Variants in TRPM3 observed in about 807,000 individuals in gnomAD.
TRPM3 encodes the protein transient receptor potential cation channel subfamily M member 3.
Under a neutral mutation model 181.2 loss-of-function variants are expected in TRPM3, and 77 were observed. That is an observed-to-expected ratio of 0.42 (90% CI 0.35 to 0.51). TRPM3 has a LOEUF of 0.51. Ranked by LOEUF, TRPM3 falls within the 20% of genes least tolerant of loss-of-function variation. The pLI, the probability that TRPM3 is intolerant of heterozygous loss-of-function variation, is 0.01. For synonymous variants in TRPM3, 745 were observed against 796.4 expected (o/e 0.94, Z 1.09); for missense variants, 1,759 against 2,196.7 (o/e 0.80, Z 3.98).
At chr9:71,267,899 G>T (rs995651960) in intron 1 of TRPM3, among the ~76,000 whole-genome samples, 3 of 151,388 alleles carry the variant, frequency 2.0e-5, no homozygotes, top group African/African-American at 7.3e-5. Flanking sequence ...TAGTTCCTAG[G>T]GTGTACAAAA....
In TRPM3 at chr9:70,790,682, T is replaced by C. The variant is rs72729704; in HGVS notation, c.974-6403A>G. On this transcript the variant is annotated intron_variant, in intron 6 of 25. Coordinates refer to ENST00000677713, the MANE Select transcript of TRPM3 (RefSeq NM_001366145.2). The stretch of plus-strand genomic sequence containing the variant: ...TTCAGAATTCGATTCTTGATATCTT[T>C]AACTAATGCATCTCTTCTGTGGTCT... Among the ~76,000 whole-genome samples the C allele has an allele frequency of 3.2e-4, 48 of 152,326 alleles. No homozygotes were observed. The South Asian group carries it at 9.7e-3, about 31-fold the overall frequency.
intron 1 of TRPM3, among the ~76,000 whole-genome samples, chr9:71,044,826 C>T (rs2059241261): frequency 6.6e-6 from 1 of 151,492 alleles, no homozygotes; most frequent in East Asian, 2.0e-4. Flanking sequence ...CGCCAGCCAC[C>T]ACGCCCGGCT....
intron 1 of TRPM3, among the ~76,000 whole-genome samples, chr9:71,335,280 GAAACCCTGGGTAGGAGTTTGGC>G (rs1309795390): frequency 6.6e-6 from 1 of 152,072 alleles, no homozygotes; most frequent in Non-Finnish European, 1.5e-5. Context: ...ACCCTGCCCT[GAAACCCTGGGTAGGAGTTTGGC>G]AAATAAAGTT....
chr9:71,002,353 G>A (rs2097614588), intron 1 of TRPM3, among the ~76,000 whole-genome samples: 2 of 152,324 alleles, frequency 1.3e-5, no homozygotes, highest in Non-Finnish European at 2.9e-5. Context: ...ATTGGAGCCA[G>A]CGGTTTTAGC....
intron 1 of TRPM3, among the ~76,000 whole-genome samples, chr9:71,194,962 C>T (rs530254455): frequency 1.3e-5 from 2 of 152,026 alleles, no homozygotes; most frequent in South Asian, 2.1e-4. Flanking sequence ...ATGACATATA[C>T]ATCACAGATA....
At chr9:71,331,663 A>AGAG (rs144910157) in intron 1 of TRPM3, among the ~76,000 whole-genome samples, 2 of 122,538 alleles carry the variant, frequency 1.6e-5, no homozygotes, top group African/African-American at 3.0e-5. Flanking sequence ...AGGAGAGGGA[A>AGAG]GAGGAGGAGG....
In TRPM3 at chr9:71,145,652, G is replaced by T. The variant is rs76218584; in HGVS notation, c.184-281141C>A. ...ATTTTTCTTCTGTGCAATAAAAAAGGAAAGTATACTACTTACTGTTAGTAT... is the reference window on the plus strand; with the variant it reads ...ATTTTTCTTCTGTGCAATAAAAAAGTAAAGTATACTACTTACTGTTAGTAT... On this transcript the variant is annotated intron_variant, in intron 1 of 24. Transcript: ENST00000357533. Among the ~76,000 whole-genome samples, 708 of 152,110 alleles carry T rather than the reference G, an allele frequency of 4.7e-3. 6 individuals carry two copies. The highest frequency in any genetic ancestry group is 0.016 in the African/African-American group (682 of 41,512).
chr9:70,671,025 T>C (rs1725261944), intron 9 of TRPM3, among the ~76,000 whole-genome samples: 1 of 152,166 alleles, frequency 6.6e-6, no homozygotes, highest in Admixed American at 6.5e-5. Flanking sequence ...TCCGACTCTA[T>C]GCCAGGCACT....
intron 1 of TRPM3, among the ~76,000 whole-genome samples, chr9:71,260,097 A>G (rs950364584): frequency 2.6e-5 from 4 of 152,160 alleles, no homozygotes; most frequent in Admixed American, 2.6e-4. Flanking sequence ...TTTTCTGAAT[A>G]TGGCTAAGCA....
chr9:70,981,850 C>A (rs1003173834), intron 1 of TRPM3, among the ~76,000 whole-genome samples: 1 of 152,082 alleles, frequency 6.6e-6, no homozygotes, highest in Admixed American at 6.6e-5. Flanking sequence ...AACCTTAGAC[C>A]CTTAGGAAAT....
intron 1 of TRPM3, among the ~76,000 whole-genome samples, chr9:71,199,231 T>G: frequency 6.6e-6 from 1 of 151,252 alleles, no homozygotes; most frequent in Non-Finnish European, 1.5e-5. Context: ...GCCCACTTGA[T>G]CATGGTGGAT....
chr9:70,685,895 T>C (rs2066631978), intron 8 of TRPM3, among the ~76,000 whole-genome samples: 1 of 151,930 alleles, frequency 6.6e-6, no homozygotes, highest in Non-Finnish European at 1.5e-5. Flanking sequence ...ATATGCACTG[T>C]CATTTTCGTT....
intron 1 of TRPM3, among the ~76,000 whole-genome samples, chr9:71,238,158 G>T (rs11142748): frequency 6.6e-6 from 1 of 151,802 alleles, no homozygotes; most frequent in Non-Finnish European, 1.5e-5. Flanking sequence ...ATGAAAAAAC[G>T]CAGCATTATT....
chr9:70,864,525 C>CAA lies in TRPM3; in HGVS notation c.178-16_178-15dup, dbSNP rs71367234. The stretch of plus-strand genomic sequence containing the variant: ...GGATTTCTGAGCCTGAAAAAGAAAA[C>CAA]AAAAAAAAAAAAAAAAGAAAAAAGA... On this transcript the variant is annotated splice_polypyrimidine_tract_variant and intron_variant, in intron 1 of 25. Coordinates refer to ENST00000677713, the MANE Select transcript of TRPM3 (RefSeq NM_001366145.2). The CAA allele has an allele frequency of 0.085, 75,200 of 889,360 alleles. 1,387 individuals carry two copies. The highest frequency in any genetic ancestry group is 0.18 in the African/African-American group (8,394 of 46,338). 55.1% of individuals were successfully genotyped at this position (889,360 alleles called of 1,614,324 possible).
intron 1 of TRPM3, among the ~76,000 whole-genome samples, chr9:71,157,720 A>C (rs2076076561): frequency 6.6e-6 from 1 of 152,156 alleles, no homozygotes; most frequent in Non-Finnish European, 1.5e-5. Context: ...AAAACTATAG[A>C]GTTTTAATGG....
At chr9:70,674,114 T>C (rs2063519602) in intron 9 of TRPM3, among the ~76,000 whole-genome samples, 1 of 152,314 alleles carries the variant, frequency 6.6e-6, no homozygotes, top group Admixed American at 6.5e-5. Context: ...TTAAACTGTC[T>C]GCCCACAGGA....
chr9:71,416,199 A>T (rs1324483533), intron 1 of TRPM3, among the ~76,000 whole-genome samples: 1 of 151,898 alleles, frequency 6.6e-6, no homozygotes, highest in Non-Finnish European at 1.5e-5. Flanking sequence ...AGATTTAGTA[A>T]TATAAATCAG....
chr9:70,785,167 T>C (rs1477261806), intron 6 of TRPM3, among the ~76,000 whole-genome samples: 4 of 152,178 alleles, frequency 2.6e-5, no homozygotes, highest in African/African-American at 9.7e-5. Context: ...CAGTAAACAT[T>C]TGTTGGATTC....
At chr9:71,328,152 CCT>C (rs968378256) in intron 1 of TRPM3, among the ~76,000 whole-genome samples, 3 of 151,302 alleles carry the variant, frequency 2.0e-5, no homozygotes, top group African/African-American at 7.3e-5. Context: ...TATTTTCTGA[CCT>C]CTCTGTTTTT....
Sources: gnomAD v4.1 joint callset for allele counts (sites outside exome capture counted in the v4.1 genomes callset) on GRCh38, gnomAD v4.1.1 for gene constraint, MANE v1.5 for transcripts, NCBI Gene and HGNC (gene_info 2026-07-23, HGNC 2026-07-21) for gene names.